The following FGGY variants were observed in gnomAD, a reference collection of about 807,000 sequenced individuals.
FGGY encodes FGGY carbohydrate kinase domain containing, also known as FGGY carbohydrate kinase domain-containing protein.
FGGY carries 72 observed loss-of-function variants against 71.3 expected under a neutral mutation model. That is an observed-to-expected ratio of 1.01 (90% confidence interval 0.84 to 1.23). The LOEUF (loss-of-function observed/expected upper bound fraction) is 1.23. Among genes scored for constraint, FGGY ranks in the 50% most tolerant of loss-of-function variants. The pLI, the probability that FGGY is intolerant of heterozygous loss-of-function variation, is 0.00. For synonymous variants in FGGY, 251 were observed against 250.3 expected (o/e 1.00, Z -0.02); for missense variants, 668 against 682.3 (o/e 0.98, Z 0.23).
chr1:59,444,516 C>T (rs2070761873), intron 5 of FGGY, among the ~76,000 whole-genome samples: 1 of 152,006 alleles, frequency 6.6e-6, no homozygotes, highest in Non-Finnish European at 1.5e-5. Flanking sequence ...CCATGGGGTT[C>T]TATACCACTG....
intron 1 of FGGY, among the ~76,000 whole-genome samples, chr1:59,314,720 G>T (rs1320416668): frequency 1.3e-5 from 2 of 152,194 alleles, no homozygotes; most frequent in African/African-American, 4.8e-5. Flanking sequence ...GTGACTATTT[G>T]TTAGTCCATT....
At chr1:59,665,730 A>G (rs934939384) in intron 12 of FGGY, among the ~76,000 whole-genome samples, 1 of 151,506 alleles carries the variant, frequency 6.6e-6, no homozygotes, top group Non-Finnish European at 1.5e-5. Context: ...CTGGAGTGCA[A>G]TGGTGTGATC....
At chr1:59,310,754 C>T (rs1197016619) in intron 1 of FGGY, among the ~76,000 whole-genome samples, 1 of 152,146 alleles carries the variant, frequency 6.6e-6, no homozygotes. Context: ...TAAATGGAGC[C>T]CCCTGCTTGG....
intron 8 of FGGY, among the ~76,000 whole-genome samples, chr1:59,601,376 G>A (rs964194997): frequency 3.3e-5 from 5 of 152,188 alleles, no homozygotes; most frequent in African/African-American, 1.2e-4. Context: ...AGGGAAACTC[G>A]GCTGACGGGC....
At chr1:59,608,067 T>A (rs1411148985) in intron 9 of FGGY, among the ~76,000 whole-genome samples, 157 bp downstream of exon 9, 1 of 152,206 alleles carries the variant, frequency 6.6e-6, no homozygotes, top group African/African-American at 2.4e-5. Context: ...GTCATACACA[T>A]GCAGCATATA....
At chr1:59,415,964 A>T (rs2064340118) in intron 5 of FGGY, among the ~76,000 whole-genome samples, 1 of 152,152 alleles carries the variant, frequency 6.6e-6, no homozygotes, top group Non-Finnish European at 1.5e-5. Context: ...AACTATACCC[A>T]TGGAGAGGTA....
intron 7 of FGGY, among the ~76,000 whole-genome samples, chr1:59,537,487 G>GA (rs2095349179): frequency 6.6e-6 from 1 of 152,062 alleles, no homozygotes. Context: ...CACAGAATTG[G>GA]AAAAAACTAC....
At chr1:59,607,641 A>G (rs1040522979) in intron 8 of FGGY, among the ~76,000 whole-genome samples, 162 bp from the exon 9 acceptor site, 2 of 152,182 alleles carry the variant, frequency 1.3e-5, no homozygotes, top group East Asian at 3.8e-4. Flanking sequence ...GAAAGTTTCT[A>G]AAAAAAGGAG....
At chr1:59,525,708 C>T (rs1035368026) in intron 7 of FGGY, among the ~76,000 whole-genome samples, 2 of 152,160 alleles carry the variant, frequency 1.3e-5, no homozygotes, top group East Asian at 1.9e-4. Context: ...ATGTTAGATA[C>T]AGTGGTAAAC....
At chr1:59,762,457 C>A in intron 15 of FGGY, 46 bp from the exon 16 acceptor site, 1 of 1,443,186 alleles carries the variant, frequency 6.9e-7, no homozygotes, top group Non-Finnish European at 9.7e-7. Context: ...AGCCCTGTGG[C>A]AGTTTTGTCT....
At chr1:59,486,212 A>G (rs1214067623) in intron 6 of FGGY, among the ~76,000 whole-genome samples, 1 of 152,176 alleles carries the variant, frequency 6.6e-6, no homozygotes, top group African/African-American at 2.4e-5. Context: ...CAAGGAGACA[A>G]GGCCTGAACA....
intron 8 of FGGY, among the ~76,000 whole-genome samples, chr1:59,557,177 T>C (rs1450014728): frequency 1.3e-5 from 2 of 152,088 alleles, no homozygotes; most frequent in African/African-American, 4.8e-5. Flanking sequence ...CCCCCTTTGT[T>C]GTGGTTCTGG....
chr1:59,653,359 C>A (rs1349517418), intron 11 of FGGY, among the ~76,000 whole-genome samples: 2 of 152,174 alleles, frequency 1.3e-5, no homozygotes, highest in Non-Finnish European at 2.9e-5. Flanking sequence ...AGCCTTGCTG[C>A]CGCCTTGCAG....
At chr1:59,456,921 C>A in intron 5 of FGGY, 40 bp from the exon 6 acceptor site, 1 of 1,451,942 alleles carries the variant, frequency 6.9e-7, no homozygotes, top group Non-Finnish European at 9.7e-7. Context: ...AAGCCTCACT[C>A]ATATGGTCAG....
At chr1:59,538,428 C>T (rs2095374280) in intron 7 of FGGY, among the ~76,000 whole-genome samples, 1 of 151,996 alleles carries the variant, frequency 6.6e-6, no homozygotes, top group Admixed American at 6.6e-5. Flanking sequence ...TTGTGGAAGT[C>T]AGCGTGGCGA....
intron 14 of FGGY, among the ~76,000 whole-genome samples, chr1:59,722,630 C>T (rs2097907028): frequency 6.6e-6 from 1 of 152,174 alleles, no homozygotes; most frequent in Admixed American, 6.5e-5. Flanking sequence ...TCAGTTGGCT[C>T]CTATGACCCT....
chr1:59,607,622 A>G (rs1359543257), intron 8 of FGGY, among the ~76,000 whole-genome samples, 181 bp from the exon 9 acceptor site: 20 of 152,164 alleles, frequency 1.3e-4, no homozygotes, highest in Admixed American at 1.3e-3. Flanking sequence ...ATTTAAATGA[A>G]TTTATCAGGA....
At chr1:59,364,559 G>T (rs775002293) in intron 4 of FGGY, among the ~76,000 whole-genome samples, 60 of 152,078 alleles carry the variant, frequency 3.9e-4, no homozygotes, top group Non-Finnish European at 3.1e-4. Flanking sequence ...ATCATCTATA[G>T]ATCAGACAAA....
chr1:59,426,542 T>C lies in FGGY; in HGVS notation c.555-30419T>C, dbSNP rs541803731. ...ATGTTTTAATTTCAAAAAGTGATAG[T>C]GTATTTGACATTCTTATCCAGCCTG... is the stretch of plus-strand genomic sequence containing the variant. On this transcript the variant is annotated intron_variant, in intron 5 of 15. Coordinates refer to ENST00000303721, the MANE Select transcript of FGGY (RefSeq NM_018291.5). Among the ~76,000 whole-genome samples, 3 of 152,316 alleles carry C rather than the reference T, an allele frequency of 2.0e-5. No homozygotes were observed. The South Asian group carries it at 6.2e-4, about 32-fold the overall frequency.
Sources: gnomAD v4.1 joint callset for allele counts (sites outside exome capture counted in the v4.1 genomes callset) on GRCh38, gnomAD v4.1.1 for gene constraint, MANE v1.5 for transcripts, NCBI Gene and HGNC (gene_info 2026-07-23, HGNC 2026-07-21) for gene names.